Variants in RAD50 observed in about 807,000 individuals in gnomAD.
RAD50 encodes DNA repair protein RAD50.
RAD50 carries 132 observed loss-of-function variants against 168.8 expected under a neutral mutation model. The observed-to-expected ratio is 0.78, with a 90% CI of 0.68 to 0.90. The LOEUF (loss-of-function observed/expected upper bound fraction) is 0.90, where lower values mean the gene tolerates loss of function less well. RAD50 is among the 40% of genes least tolerant of loss of function. The pLI, the probability that RAD50 is intolerant of heterozygous loss-of-function variation, is 0.00. For missense variants in RAD50, 1,347 were observed against 1,534.4 expected, an observed-to-expected ratio of 0.88 and a Z score of 2.04; for synonymous variants, 525 against 497.4, an observed-to-expected ratio of 1.06 and a Z score of -0.74.
intron 24 of RAD50, chr5:132,641,900 C>T (rs1412456255): frequency 3.6e-5 from 16 of 439,266 alleles, no homozygotes; most frequent in Admixed American, 7.6e-5. Context: ...TTAGTGAGAA[C>T]TTCTGATCTG....
chr5:132,595,479 A>G, intron 12 of RAD50, 94 bp from the exon 13 acceptor site: 1 of 771,800 alleles, frequency 1.3e-6, no homozygotes, highest in Non-Finnish European at 2.1e-6. Context: ...AGCAAGAATA[A>G]TCATATATTT....
At chr5:132,558,818 G>A (rs1234061923) in intron 1 of RAD50, among the ~76,000 whole-genome samples, 1 of 151,454 alleles carries the variant, frequency 6.6e-6, no homozygotes, top group African/African-American at 2.4e-5. Flanking sequence ...GGGATTGCTT[G>A]AGCCCAGGAG....
intron 5 of RAD50, among the ~76,000 whole-genome samples, chr5:132,587,052 G>A (rs1195757611): frequency 6.6e-6 from 1 of 152,168 alleles, no homozygotes; most frequent in African/African-American, 2.4e-5. Flanking sequence ...CTGGAAGCGA[G>A]CCTCAGAGCA....
intron 3 of RAD50, among the ~76,000 whole-genome samples, chr5:132,578,836 A>G (rs915747426): frequency 2.0e-5 from 3 of 152,028 alleles, no homozygotes; most frequent in Non-Finnish European, 2.9e-5. Context: ...GCCCAGTGTA[A>G]TATTTTCAAA....
Position 132,623,192 on chromosome 5 carries a change from T to C in RAD50, c.3389+4898T>C, listed in dbSNP as rs1221221891. ...AGGTTATAAAAACAATAACGCCAAGTTCATGGCTGGGCACGGTGGCTCATG... is the reference window on the plus strand; with the variant it reads ...AGGTTATAAAAACAATAACGCCAAGCTCATGGCTGGGCACGGTGGCTCATG... On this transcript the variant is annotated intron_variant, in intron 21 of 24. Coordinates refer to ENST00000378823, the MANE Select transcript of RAD50 (RefSeq NM_005732.4). Among the ~76,000 whole-genome samples, 5 of 152,120 alleles carry C rather than the reference T, an allele frequency of 3.3e-5. No homozygotes were observed. The East Asian group carries it at 9.6e-4, about 29-fold the overall frequency.
intron 19 of RAD50, among the ~76,000 whole-genome samples, chr5:132,613,788 G>A (rs1302168957): frequency 6.6e-6 from 1 of 151,468 alleles, no homozygotes; most frequent in Non-Finnish European, 1.5e-5. Context: ...GTAGAGGTGG[G>A]GTTTCACTAT....
chr5:132,608,327 C>T (rs776338392), intron 16 of RAD50, among the ~76,000 whole-genome samples: 11 of 152,172 alleles, frequency 7.2e-5, no homozygotes, highest in South Asian at 4.1e-4. Context: ...GTATAGCATG[C>T]GTAGTGGTTA....
chr5:132,559,168 A>G (rs1469307562), intron 1 of RAD50, 116 bp from the exon 2 acceptor site: 1 of 1,042,588 alleles, frequency 9.6e-7, no homozygotes, highest in Non-Finnish European at 1.3e-6. Flanking sequence ...TTATAATGTC[A>G]GATTTTATCT....
chr5:132,588,767 C>T lies in RAD50; in HGVS notation c.1132C>T (p.Leu378=). 1 of 1,613,764 alleles carries T rather than the reference C, an allele frequency of 6.2e-7. No homozygotes were observed. The highest frequency in any genetic ancestry group is 8.5e-7 in the Non-Finnish European group (1 of 1,179,802). Residue 378 remains leucine, a synonymous_variant, in exon 8 of 25, where the codon CTA becomes TTA. Coordinates refer to ENST00000378823, the MANE Select transcript of RAD50 (RefSeq NM_005732.4). ...ATTAATTCAGTCTTTGGCAACACAG[C>T]TAGAATTGGATGGCTTTGAGCGTGG... is the stretch of plus-strand genomic sequence containing the variant. ...DSLIQSLATQ[L]ELDGFERGPF...
chr5:132,611,037 A>G (rs1751073974), intron 19 of RAD50, among the ~76,000 whole-genome samples: 1 of 152,226 alleles, frequency 6.6e-6, no homozygotes, highest in African/African-American at 2.4e-5. Flanking sequence ...AAACCAGGAG[A>G]GAAGTGTATA....
At chr5:132,595,503 C>A in intron 12 of RAD50, 70 bp from the exon 13 acceptor site, 2 of 950,642 alleles carry the variant, frequency 2.1e-6, no homozygotes, top group South Asian at 1.5e-5. Context: ...GAAAAAGATA[C>A]AACCGTATTC....
At position 132,559,312 on chromosome 5, in the gene RAD50, G is replaced by A. The variant is rs876660673; in HGVS notation, c.158G>A (p.Cys53Tyr). Residue 53 changes from cysteine (C) to tyrosine (Y), a missense_variant, in exon 2 of 25, where the codon TGT becomes TAT. This residue lies in a region of RAD50 where 703 missense variants were observed against 767.7 expected (regional missense o/e 0.92). Coordinates refer to ENST00000378823, the MANE Select transcript of RAD50 (RefSeq NM_005732.4). ...ATCATTGAATGTCTAAAATATATTT[G>A]TACTGGAGATTTCCCTCCTGGAACC... ...TTIIECLKYI[C>Y]TGDFPPGTKG... The A allele has an allele frequency of 6.2e-7, 1 of 1,607,788 alleles. No homozygotes were observed. The highest frequency in any genetic ancestry group is 8.5e-7 in the Non-Finnish European group (1 of 1,176,878).
At chr5:132,576,638 T>C (rs1396737038) in intron 3 of RAD50, among the ~76,000 whole-genome samples, 1 of 152,212 alleles carries the variant, frequency 6.6e-6, no homozygotes, top group African/African-American at 2.4e-5. Flanking sequence ...CAAGTATCTC[T>C]CATACCCTGG....
At chr5:132,581,312 G>T (rs915863075) in intron 5 of RAD50, among the ~76,000 whole-genome samples, 1 of 152,006 alleles carries the variant, frequency 6.6e-6, no homozygotes, top group Non-Finnish European at 1.5e-5. Flanking sequence ...TAGAGACGGG[G>T]TTTCTCCATG....
Position 132,603,911 on chromosome 5 carries a change from A to T in RAD50, c.2398-9A>T, listed in dbSNP as rs1335464757. 1 of 1,584,458 alleles carries T rather than the reference A, an allele frequency of 6.3e-7. No homozygotes were observed. Among genetic ancestry groups the T allele is most frequent in the African/African-American group, 1.3e-5 (1 of 74,256 alleles). ...TTATTAAAGGAAATCATTTTGTTAT[A>T]TTCTTAAGATGGAACTTAAAGATGT... is the stretch of plus-strand genomic sequence containing the variant. On this transcript the variant is annotated splice_polypyrimidine_tract_variant and intron_variant, in intron 14 of 24. Transcript: ENST00000378823.
intron 19 of RAD50, among the ~76,000 whole-genome samples, chr5:132,610,043 A>G (rs115911400): frequency 0.19 from 29,470 of 151,154 alleles, 2,909 homozygotes; most frequent in South Asian, 0.22. Context: ...ATATATATAT[A>G]TATTTAAATT....
chr5:132,631,873 G>C (rs1414593147), intron 21 of RAD50, among the ~76,000 whole-genome samples: 1 of 152,110 alleles, frequency 6.6e-6, no homozygotes, highest in Non-Finnish European at 1.5e-5. Flanking sequence ...ACCCAGCCCA[G>C]AGCTGCCTTC....
At chr5:132,588,961 T>G in intron 8 of RAD50, 81 bp downstream of exon 8, 1 of 1,425,828 alleles carries the variant, frequency 7.0e-7, no homozygotes, top group South Asian at 1.2e-5. Flanking sequence ...TTGGTTGGAC[T>G]CCATTTTGGC....
chr5:132,633,094 TTTTC>T (rs1751504758), intron 21 of RAD50, among the ~76,000 whole-genome samples: 1 of 140,276 alleles, frequency 7.1e-6, no homozygotes, highest in Non-Finnish European at 1.5e-5. Context: ...TTCTTTCGTT[TTTTC>T]TTTTTTTTTT....
Sources: gnomAD v4.1 joint callset for allele counts (sites outside exome capture counted in the v4.1 genomes callset) on GRCh38, gnomAD v4.1.1 for gene constraint, gnomAD v4.1.1 regional missense constraint, MANE v1.5 for transcripts, NCBI Gene and HGNC (gene_info 2026-07-23, HGNC 2026-07-21) for gene names.